Variants in COMMD1 observed in about 807,000 individuals in gnomAD.
The protein encoded by COMMD1 is COMM domain-containing protein 1.
COMMD1 carries 10 observed loss-of-function variants against 17.2 expected under a neutral mutation model. That is an observed-to-expected ratio of 0.58 (90% confidence interval 0.36 to 0.99). The LOEUF (loss-of-function observed/expected upper bound fraction) is 0.99. Ranked by LOEUF, COMMD1 falls within the 50% of genes least tolerant of loss-of-function variation. The probability of loss-of-function intolerance (pLI) is 0.01; values close to 1 mark genes in which losing one functional copy is unlikely to be tolerated. For missense variants in COMMD1, 270 were observed against 231.8 expected (o/e 1.17, Z -1.07); for synonymous variants, 97 against 91.6 (o/e 1.06, Z -0.34).
intron 2 of COMMD1, among the ~76,000 whole-genome samples, chr2:62,007,846 C>G (rs986096259): frequency 3.3e-5 from 5 of 152,032 alleles, no homozygotes; most frequent in African/African-American, 1.2e-4. Flanking sequence ...GTAATTCTAG[C>G]TAGTAAATAA....
chr2:61,949,298 C>A (rs879379954), intron 1 of COMMD1, among the ~76,000 whole-genome samples: 22 of 151,932 alleles, frequency 1.4e-4, no homozygotes, highest in Non-Finnish European at 3.2e-4. Context: ...TGTAGAGAAC[C>A]GAGAAGCCTT....
intron 1 of COMMD1, among the ~76,000 whole-genome samples, chr2:61,972,253 G>A (rs1671669564): frequency 6.6e-6 from 1 of 152,100 alleles, no homozygotes; most frequent in East Asian, 1.9e-4. Flanking sequence ...GAAAAATGAA[G>A]AAAATAAAAA....
At chr2:62,011,215 T>C (rs1022288937) in intron 2 of COMMD1, among the ~76,000 whole-genome samples, 16 of 152,244 alleles carry the variant, frequency 1.1e-4, no homozygotes, top group African/African-American at 3.9e-4. Context: ...ATATTTACAA[T>C]TGACAATGTA....
At chr2:61,993,570 G>A (rs976101458) in intron 1 of COMMD1, among the ~76,000 whole-genome samples, 6 of 152,214 alleles carry the variant, frequency 3.9e-5, no homozygotes, top group African/African-American at 1.4e-4. Flanking sequence ...TCAAGATGTG[G>A]AAGAGAGAGA....
At chr2:62,071,387 A>G (rs889765509) in intron 2 of COMMD1, among the ~76,000 whole-genome samples, 12 of 152,178 alleles carry the variant, frequency 7.9e-5, no homozygotes, top group African/African-American at 2.7e-4. Context: ...TTTTCACCAC[A>G]TGCTGTTTTG....
intron 2 of COMMD1, among the ~76,000 whole-genome samples, chr2:62,126,060 G>T (rs528489152): frequency 6.6e-6 from 1 of 152,230 alleles, no homozygotes; most frequent in Admixed American, 6.5e-5. Context: ...TGAAGATAAT[G>T]GCTTTGAGCT....
chr2:61,889,202 CTTTTT>C (rs34949326), intron 1 of COMMD1, among the ~76,000 whole-genome samples: 4 of 54,784 alleles, frequency 7.3e-5, no homozygotes, highest in East Asian at 5.9e-4. Flanking sequence ...GAAGCCCGGC[CTTTTT>C]TTTTTTTTTT....
At chr2:61,988,262 G>A (rs575016981) in intron 1 of COMMD1, among the ~76,000 whole-genome samples, 7 of 152,086 alleles carry the variant, frequency 4.6e-5, no homozygotes, top group Non-Finnish European at 8.8e-5. Context: ...TAGGAATGTG[G>A]TAGGTCACAC....
chr2:62,111,745 G>A (rs1466599264), intron 2 of COMMD1, among the ~76,000 whole-genome samples: 1 of 152,130 alleles, frequency 6.6e-6, no homozygotes, highest in Non-Finnish European at 1.5e-5. Context: ...TACTTCTGGG[G>A]CCATCCAGTC....
chr2:62,132,634 C>T (rs374462298), intron 2 of COMMD1, among the ~76,000 whole-genome samples: 52 of 152,220 alleles, frequency 3.4e-4, no homozygotes, highest in African/African-American at 1.0e-3. Flanking sequence ...CACTTGAGGT[C>T]AGGAGTTCGA....
intron 1 of COMMD1, among the ~76,000 whole-genome samples, chr2:61,987,018 T>A (rs1672124065): frequency 6.6e-6 from 1 of 152,202 alleles, no homozygotes; most frequent in Non-Finnish European, 1.5e-5. Flanking sequence ...CTCCAGAATT[T>A]CCTTTTGCTT....
chr2:62,084,327 A>G (rs1671601026), intron 2 of COMMD1, among the ~76,000 whole-genome samples: 1 of 152,224 alleles, frequency 6.6e-6, no homozygotes, highest in South Asian at 2.1e-4. Flanking sequence ...CAGTTGATTA[A>G]CACATATCTT....
chr2:61,905,717 C>T lies in COMMD1; in HGVS notation c.39C>T (p.Ser13=), dbSNP rs1295931591. The T allele has an allele frequency of 6.2e-7, 1 of 1,604,564 alleles. No individual in the cohort carries two copies. Among genetic ancestry groups the T allele is most frequent in the Non-Finnish European group, 8.5e-7 (1 of 1,174,912 alleles). The change falls in exon 1 of 3, where the codon AGC becomes AGT. Residue 13 remains serine, a synonymous_variant. Transcript: ENST00000311832. ...AGELEGGKPL[S]GLLNALAQDT... is the part of the protein sequence containing the mutation. ...AGCTTGAGGGTGGCAAACCCCTGAG[C>T]GGGCTGCTGAATGCGCTGGCCCAGG...
chr2:61,902,248 C>T (rs1020851785), upstream of COMMD1, among the ~76,000 whole-genome samples: 1 of 151,926 alleles, frequency 6.6e-6, no homozygotes, highest in Non-Finnish European at 1.5e-5. Context: ...TGGCTCACGC[C>T]TGTAATCCCA....
intron 2 of COMMD1, among the ~76,000 whole-genome samples, chr2:62,024,464 A>G (rs191343659): frequency 1.3e-3 from 196 of 152,340 alleles, no homozygotes; most frequent in African/African-American, 4.6e-3. Flanking sequence ...TATACTATAT[A>G]TACATCCTTT....
At chr2:62,116,533 G>A (rs775724042) in intron 2 of COMMD1, among the ~76,000 whole-genome samples, 11 of 152,112 alleles carry the variant, frequency 7.2e-5, no homozygotes, top group East Asian at 1.9e-4. Context: ...TTAGTCGGGC[G>A]TGGAGGCATG....
intron 2 of COMMD1, among the ~76,000 whole-genome samples, chr2:62,014,421 A>C (rs911719940): frequency 2.0e-5 from 3 of 151,400 alleles, no homozygotes; most frequent in African/African-American, 7.3e-5. Flanking sequence ...GCTTCATTCC[A>C]TGTATGCCAC....
intron 1 of COMMD1, among the ~76,000 whole-genome samples, chr2:61,964,977 A>C (rs1671468557): frequency 6.6e-6 from 1 of 152,172 alleles, no homozygotes; most frequent in Non-Finnish European, 1.5e-5. Flanking sequence ...CGGAGGTTGC[A>C]GTGAGCCGAG....
chr2:62,014,542 C>CTTTTTTTTTTTTTTTTTTTTTTT (rs67886279), intron 2 of COMMD1, among the ~76,000 whole-genome samples: 6 of 63,568 alleles, frequency 9.4e-5, no homozygotes, highest in African/African-American at 3.6e-4. Flanking sequence ...CCATTTTAAC[C>CTTTTTTTTTTTTTTTTTTTTTTT]TTTTTTTTTT....
Sources: allele counts gnomAD v4.1 joint callset (sites outside exome capture counted in the v4.1 genomes callset), GRCh38; gene constraint gnomAD v4.1.1; transcripts MANE v1.5; gene names NCBI Gene and HGNC (gene_info 2026-07-23, HGNC 2026-07-21).